The following MICAL2 variants were observed in gnomAD, a reference collection of about 807,000 sequenced individuals.
MICAL2 encodes the protein [F-actin]-monooxygenase MICAL2.
A neutral mutation model predicts 127.3 loss-of-function variants in MICAL2; 77 were observed. The ratio of observed to expected loss-of-function variants is 0.60; its 90% confidence interval spans 0.50 to 0.73. The LOEUF is 0.73. MICAL2 is among the 30% of genes least tolerant of loss of function. The probability of loss-of-function intolerance (pLI) is 0.00; values close to 1 mark genes in which losing one functional copy is unlikely to be tolerated. For synonymous variants in MICAL2, 570 were observed against 551.1 expected, an observed-to-expected ratio of 1.03 and a Z score of -0.48; for missense variants, 1,351 against 1,434.4, an observed-to-expected ratio of 0.94 and a Z score of 0.94.
chr11:12,184,783 T>G (rs1433455058), intron 3 of MICAL2, among the ~76,000 whole-genome samples: 1 of 151,908 alleles, frequency 6.6e-6, no homozygotes, highest in Non-Finnish European at 1.5e-5. Flanking sequence ...CCAATGCCCC[T>G]GTCTAGCTTC....
intron 3 of MICAL2, among the ~76,000 whole-genome samples, chr11:12,168,145 TACAC>T (rs3044619): frequency 1.4e-4 from 20 of 146,156 alleles, no homozygotes; most frequent in African/African-American, 3.6e-4. Context: ...CTACAGCAAA[TACAC>T]ACACACACAC....
At chr11:12,120,964 C>T (rs1159387327) in intron 1 of MICAL2, among the ~76,000 whole-genome samples, 1 of 152,214 alleles carries the variant, frequency 6.6e-6, no homozygotes, top group East Asian at 1.9e-4. Context: ...GGCAGTAAGG[C>T]TGGGCCCCCA....
At chr11:12,358,268 C>T in intron 34 of MICAL2, 17 of 1,608,898 alleles carry the variant, frequency 1.1e-5, no homozygotes, top group East Asian at 2.2e-5. Flanking sequence ...CTTCTCTGAG[C>T]CCAGTGGTTT....
intron 29 of MICAL2, among the ~76,000 whole-genome samples, chr11:12,318,128 C>G (rs1035852073): frequency 5.3e-5 from 8 of 152,182 alleles, no homozygotes; most frequent in African/African-American, 1.9e-4. Context: ...TTTACTCAGG[C>G]ACCGCTAATA....
At position 12,343,183 on chromosome 11, in the gene MICAL2, G is replaced by A. The variant is rs569614422; in HGVS notation, c.5516-6655G>A. ...AGCACTTTGGGAGGCTGAGGTGGGC[G>A]GATCACCTGAGGTCAGGAGTTCGAG... On this transcript the variant is annotated intron_variant, in intron 32 of 34. Coordinates refer to the MICAL2 transcript ENST00000646065. Among the ~76,000 whole-genome samples, 12 of 152,130 alleles carry A rather than the reference G, an allele frequency of 7.9e-5. No individual in the cohort carries two copies. The South Asian group carries it at 2.1e-3, about 26-fold the overall frequency.
intron 21 of MICAL2, among the ~76,000 whole-genome samples, chr11:12,244,677 T>C (rs530701464): frequency 6.6e-6 from 1 of 152,126 alleles, no homozygotes; most frequent in Admixed American, 6.5e-5. Context: ...GAAGGTTCCA[T>C]GGGGGGATTT....
At chr11:12,264,091 T>A (rs192645643), downstream of MICAL2, among the ~76,000 whole-genome samples, 3 of 152,196 alleles carry the variant, frequency 2.0e-5, no homozygotes, top group Non-Finnish European at 4.4e-5. Context: ...AGAAGCAGAC[T>A]GTATTGATGG....
chr11:12,299,658 T>G (rs1241282316), intron 29 of MICAL2, among the ~76,000 whole-genome samples: 1 of 152,252 alleles, frequency 6.6e-6, no homozygotes, highest in Non-Finnish European at 1.5e-5. Context: ...TTTAATTTTT[T>G]GCATAAACGT....
chr11:12,287,988 G>A (rs370101869), downstream of MICAL2, among the ~76,000 whole-genome samples: 14 of 152,178 alleles, frequency 9.2e-5, no homozygotes, highest in East Asian at 1.2e-3. Context: ...ACCAAGAAAC[G>A]TTGTTGCAGT....
In MICAL2 at chr11:12,189,776, G is replaced by A. The variant is rs546498483; in HGVS notation, c.265-14474G>A. The stretch of plus-strand genomic sequence containing the variant: ...TTCTGCAAGCCCAGGCCTGCCACCA[G>A]AGGGAAAGTGCCCTAGATGCCCAGG... On this transcript the variant is annotated intron_variant, in intron 3 of 27. Transcript: ENST00000683283. Among the ~76,000 whole-genome samples the A allele has an allele frequency of 2.0e-5, 3 of 152,330 alleles. No homozygotes were observed. In the South Asian group the frequency reaches 6.2e-4, roughly 32 times the overall value.
At chr11:12,327,928 C>T (rs1354589861) in intron 32 of MICAL2, among the ~76,000 whole-genome samples, 1 of 151,898 alleles carries the variant, frequency 6.6e-6, no homozygotes, top group African/African-American at 2.4e-5. Flanking sequence ...TTTTCCTTTA[C>T]TACCTGTACG....
At chr11:12,157,713 T>C (rs543440645) in intron 2 of MICAL2, among the ~76,000 whole-genome samples, 17 of 151,974 alleles carry the variant, frequency 1.1e-4, no homozygotes, top group African/African-American at 4.1e-4. Flanking sequence ...AAAAAAATCC[T>C]GACTACGTTC....
intron 2 of MICAL2, among the ~76,000 whole-genome samples, chr11:12,157,665 T>A (rs1356823580): frequency 6.6e-6 from 1 of 151,598 alleles, no homozygotes; most frequent in Non-Finnish European, 1.5e-5. Context: ...CAAGGAAAAC[T>A]TTAATAAGAG....
At chr11:12,265,485 A>G (rs1455270603), downstream of MICAL2, among the ~76,000 whole-genome samples, 1 of 152,236 alleles carries the variant, frequency 6.6e-6, no homozygotes, top group African/African-American at 2.4e-5. Context: ...CAGGGAAAAC[A>G]TGACACAAAT....
At chr11:12,194,058 C>T (rs951225931) in intron 3 of MICAL2, among the ~76,000 whole-genome samples, 4 of 152,252 alleles carry the variant, frequency 2.6e-5, no homozygotes, top group African/African-American at 9.6e-5. Context: ...ACTTAATAGA[C>T]ACCTTTACTG....
intron 32 of MICAL2, among the ~76,000 whole-genome samples, chr11:12,330,685 G>A (rs544570247): frequency 2.0e-5 from 3 of 152,058 alleles, no homozygotes; most frequent in East Asian, 1.9e-4. Flanking sequence ...TCCCGCCCCC[G>A]GGAAGGGTTT....
chr11:12,273,760 C>T (rs75925185), upstream of MICAL2, among the ~76,000 whole-genome samples: 6 of 152,196 alleles, frequency 3.9e-5, no homozygotes, highest in East Asian at 9.7e-4. Context: ...ATAGCTGAGA[C>T]GGCCAGCCAC....
At chr11:12,111,487 T>A (rs879615443) in intron 1 of MICAL2, among the ~76,000 whole-genome samples, 4 of 152,306 alleles carry the variant, frequency 2.6e-5, no homozygotes, top group Non-Finnish European at 4.4e-5. Context: ...TGGGGTAAAT[T>A]GTATTCACCG....
At chr11:12,242,536 C>A (rs1001665452) in intron 19 of MICAL2, 104 bp downstream of exon 19, 1 of 1,428,102 alleles carries the variant, frequency 7.0e-7, no homozygotes, top group Non-Finnish European at 9.8e-7. Flanking sequence ...CTGCCCACCC[C>A]CTGTCTCTCA....
Sources: gnomAD v4.1 joint callset for allele counts (sites outside exome capture counted in the v4.1 genomes callset) on GRCh38, gnomAD v4.1.1 for gene constraint, MANE v1.5 for transcripts, NCBI Gene and HGNC (gene_info 2026-07-23, HGNC 2026-07-21) for gene names.